Variants in KIF17 observed in about 807,000 individuals in gnomAD.
KIF17 encodes the protein kinesin-like protein KIF17.
Under a neutral mutation model 96.8 loss-of-function variants are expected in KIF17, and 80 were observed. That is an observed-to-expected ratio of 0.83 (90% confidence interval 0.69 to 1.00). The LOEUF is 1.00. Among genes scored for constraint, KIF17 ranks in the 50% least tolerant of loss-of-function variants. The pLI, the probability that KIF17 is intolerant of heterozygous loss-of-function variation, is 0.00. For synonymous variants in KIF17, 567 were observed against 587.5 expected (o/e 0.97, Z 0.51); for missense variants, 1,280 against 1,372.9 (o/e 0.93, Z 1.07).
chr1:20,675,796 T>A (rs779644754), intron 11 of KIF17, among the ~76,000 whole-genome samples: 3 of 152,238 alleles, frequency 2.0e-5, no homozygotes, highest in Non-Finnish European at 4.4e-5. Flanking sequence ...CCAATTCATA[T>A]GAACATGAGA....
chr1:20,678,695 G>A (rs1044462513), intron 11 of KIF17, among the ~76,000 whole-genome samples: 1 of 152,126 alleles, frequency 6.6e-6, no homozygotes, highest in Admixed American at 6.5e-5. Flanking sequence ...AGCATGGGGC[G>A]AGGAGGAATG....
intron 8 of KIF17, 66 bp from the exon 9 acceptor site, chr1:20,686,192 T>A: frequency 2.2e-6 from 3 of 1,384,040 alleles, no homozygotes; most frequent in Non-Finnish European, 3.0e-6. Flanking sequence ...CTTTACTCCC[T>A]CACCCCTGGC....
In KIF17 at chr1:20,685,182, GA is replaced by G; in HGVS notation, c.2020-163del. 1 of 717,024 alleles carries G rather than the reference GA, an allele frequency of 1.4e-6. No homozygotes were observed. 44.4% of individuals were successfully genotyped at this position (717,024 alleles called of 1,614,324 possible). A position where few individuals can be genotyped will look rare whatever the true frequency, so the allele number is the denominator to read the frequency against. On this transcript the variant is annotated intron_variant, in intron 9 of 14. Coordinates refer to ENST00000400463, the MANE Select transcript of KIF17 (RefSeq NM_001122819.3). This position sits in a 1 kb window ranked among gnomAD's most constrained non-coding sequence, Gnocchi z 4.1. ...CAGTGACACAAAAACACGCCCTGTT[GA>G]GTTCTTACTGCCGCTATTCCCACTG...
intron 10 of KIF17, 33 bp from the exon 11 acceptor site, chr1:20,682,917 A>G (rs760831442): frequency 1.5e-5 from 23 of 1,579,036 alleles, no homozygotes; most frequent in Non-Finnish European, 1.9e-5. Flanking sequence ...AAACAAGACA[A>G]TATCTGCCCA....
chr1:20,681,483 C>T (rs183484607), intron 11 of KIF17, among the ~76,000 whole-genome samples: 199 of 152,076 alleles, frequency 1.3e-3, no homozygotes, highest in Middle Eastern at 0.01. Flanking sequence ...AGAGCCACCG[C>T]GCCCAGCCAA....
rs1237653913 is a variant in KIF17, at chr1:20,712,655, ATC to A, written c.480+797_480+798del. Among the ~76,000 whole-genome samples, 27 of 31,242 alleles carry A rather than the reference ATC, an allele frequency of 8.6e-4. 1 individual carries two copies. Among genetic ancestry groups the A allele is most frequent in the African/African-American group, 1.6e-3 (17 of 10,526 alleles). The allele number at this position is 31,242 out of a possible 152,430, so 20.5% of individuals were successfully genotyped here. A position where few individuals can be genotyped will look rare whatever the true frequency, so the allele number is the denominator to read the frequency against. The stretch of plus-strand genomic sequence containing the variant: ...CTATATATATAATATAGATAATATT[ATC>A]TATATATAATATAGATAATATTATC... On this transcript the variant is annotated intron_variant, in intron 3 of 14. Transcript: ENST00000400463.
At chr1:20,698,996 C>T (rs1481431742) in intron 5 of KIF17, among the ~76,000 whole-genome samples, 3 of 152,084 alleles carry the variant, frequency 2.0e-5, no homozygotes, top group Admixed American at 6.6e-5. Flanking sequence ...GCCACCCAAG[C>T]CGGAGTGCAG....
rs2053906868 is a variant in KIF17 at position 20,684,864 on chromosome 1, C to T, written c.2176G>A (p.Ala726Thr). 6.3e-7 allele frequency: 1 copy of T among 1,597,698 alleles called. No individual in the cohort carries two copies. Among genetic ancestry groups the T allele is most frequent in the Middle Eastern group, 1.7e-4 (1 of 5,896 alleles). The change falls in exon 10 of 15, where the codon GCA (alanine) becomes ACA (threonine). Residue 726 changes from alanine (A) to threonine (T), a missense_variant. Physicochemically the swap from Ala to Thr is moderately conservative, Grantham distance 58. Transcript: ENST00000400463. ...VKRESVGMEV[A>T]VLTDDPLPVV... ...GGCAGCGGGTCATCAGTCAGCACTG[C>T]CACCTCCATGCCCACGCTCTCCCTC... is the stretch of plus-strand genomic sequence containing the variant.
rs776340258 is a variant in KIF17 at position 20,682,699 on chromosome 1, T to A, written c.2417A>T (p.Glu806Val). The change falls in exon 11 of 15, where the codon GAG becomes GTG. Residue 806 changes from glutamate (E) to valine (V), a missense_variant. Coordinates refer to ENST00000400463, the MANE Select transcript of KIF17 (RefSeq NM_001122819.3). ...VLLNVYDSIQ[E>V]EVRAKSKLLE... ...CAGCTTGCTCTTGGCCCGCACTTCC[T>A]CCTGGATGGAGTCGTAGACGTTAAG... is the stretch of plus-strand genomic sequence containing the variant. 1.6e-5 allele frequency: 26 copies of A among 1,613,814 alleles called. No individual in the cohort carries two copies. The highest frequency in any genetic ancestry group is 2.2e-5 in the Non-Finnish European group (26 of 1,180,024).
intron 11 of KIF17, among the ~76,000 whole-genome samples, chr1:20,674,163 A>C (rs2053696368): frequency 6.6e-6 from 1 of 152,198 alleles, no homozygotes; most frequent in Non-Finnish European, 1.5e-5. Flanking sequence ...TCCTGGCCTC[A>C]AGCAGTCTTT....
Position 20,699,724 on chromosome 1 carries a change from C to T in KIF17, c.1124-1236G>A, listed in dbSNP as rs115613265. Among the ~76,000 whole-genome samples the T allele has an allele frequency of 0.024, 3,666 of 152,060 alleles. 142 individuals carry two copies. Among genetic ancestry groups the T allele is most frequent in the African/African-American group, 0.084 (3,480 of 41,466 alleles). On this transcript the variant is annotated intron_variant, in intron 5 of 14. Coordinates refer to ENST00000400463, the MANE Select transcript of KIF17 (RefSeq NM_001122819.3). The surrounding 1 kb of genome is among the most constrained non-coding windows in gnomAD (Gnocchi z 4.3). ...ACAGGGGGAGCGGTGAGTGCGAGGGCCCTGAGGCGGTTGTGAGACTGCACT... is the reference window on the plus strand; with the variant it reads ...ACAGGGGGAGCGGTGAGTGCGAGGGTCCTGAGGCGGTTGTGAGACTGCACT...
chr1:20,695,709 C>T (rs946105344), intron 6 of KIF17, among the ~76,000 whole-genome samples: 3 of 152,162 alleles, frequency 2.0e-5, no homozygotes, highest in African/African-American at 4.8e-5. Context: ...TCTGAACCCA[C>T]GCCACCCAGC....
At chr1:20,707,800 TGTGTG>T (rs2054369251) in intron 4 of KIF17, among the ~76,000 whole-genome samples, 1 of 119,240 alleles carries the variant, frequency 8.4e-6, no homozygotes, top group Non-Finnish European at 1.9e-5. Context: ...TGTGTGTGTG[TGTGTG>T]TGTGTGTGTG....
rs1005146185 is a variant in KIF17 at position 20,700,993 on chromosome 1, C to T, written c.1124-2505G>A. On this transcript the variant is annotated intron_variant, in intron 5 of 14. Transcript: ENST00000400463. This position sits in a 1 kb window ranked among gnomAD's most constrained non-coding sequence, Gnocchi z 4.6. ...AGCCCAGTAAAGGCTGTGGCCCGGG[C>T]CCCCACTCCCTTCTCCCTCCAGACC... 2.0e-5 allele frequency among the ~76,000 whole-genome samples: 3 copies of T among 152,164 alleles called. No homozygotes were observed. Among genetic ancestry groups the T allele is most frequent in the Non-Finnish European group, 1.5e-5 (1 of 68,022 alleles).
intron 5 of KIF17, among the ~76,000 whole-genome samples, chr1:20,703,176 T>TGGAC (rs1014455357): frequency 2.0e-5 from 3 of 147,396 alleles, no homozygotes; most frequent in African/African-American, 7.5e-5. Context: ...GATGGATGGA[T>TGGAC]GAATGGATGG....
downstream of KIF17, among the ~76,000 whole-genome samples, chr1:20,662,811 C>T (rs1477797096): frequency 3.3e-5 from 5 of 152,308 alleles, no homozygotes; most frequent in African/African-American, 1.2e-4. Context: ...TGCTTTGCAG[C>T]GCTCTCCGCC....
intron 10 of KIF17, among the ~76,000 whole-genome samples, chr1:20,683,156 G>C (rs1389687405): frequency 2.6e-5 from 4 of 152,222 alleles, no homozygotes; most frequent in African/African-American, 9.6e-5. Context: ...CTGACCCGTG[G>C]ACTTCCCACG....
chr1:20,675,359 A>G (rs1207598427), intron 11 of KIF17, among the ~76,000 whole-genome samples: 1 of 151,524 alleles, frequency 6.6e-6, no homozygotes, highest in Non-Finnish European at 1.5e-5. Context: ...GAAGCAGGAG[A>G]ATGGCGTGAA....
chr1:20,661,684 C>G (rs2053438837), downstream of KIF17: 1 of 446,014 alleles, frequency 2.2e-6, no homozygotes, highest in Non-Finnish European at 4.0e-6. Context: ...CCTCCCGCCC[C>G]CTAGTCTGGA....
Sources: allele counts gnomAD v4.1 joint callset (sites outside exome capture counted in the v4.1 genomes callset), GRCh38; gene constraint gnomAD v4.1.1; non-coding constraint Gnocchi (gnomAD v3.1); transcripts MANE v1.5; gene names NCBI Gene and HGNC (gene_info 2026-07-23, HGNC 2026-07-21).